The following PTGES3 variants were observed in gnomAD, a reference collection of about 807,000 sequenced individuals.
PTGES3 encodes Hsp90 co-chaperone.
PTGES3 carries 5 observed loss-of-function variants against 29.9 expected under a neutral mutation model. The ratio of observed to expected loss-of-function variants is 0.17; its 90% CI spans 0.09 to 0.35. The LOEUF is 0.35. PTGES3 is among the 10% of genes least tolerant of loss of function. The probability of loss-of-function intolerance (pLI) is 1.00; values close to 1 mark genes in which losing one functional copy is unlikely to be tolerated. For synonymous variants in PTGES3, 49 were observed against 57.8 expected (o/e 0.85, Z 0.69); for missense variants, 128 against 190.0 (o/e 0.67, Z 1.92).
chr12:56,664,065 T>A lies in PTGES3; in HGVS notation c.*414A>T, dbSNP rs1164767344. On this transcript the variant is annotated 3_prime_UTR_variant, in exon 8 of 8. Transcript: ENST00000262033. ...TACCAGTAAGGTGTCAGCCAATTTG[T>A]TCCAGTCACTTTTGAATCCATGTTC... 1 of 154,926 alleles carries A rather than the reference T, an allele frequency of 6.5e-6. No homozygotes were observed. The highest frequency in any genetic ancestry group is 1.4e-5 in the Non-Finnish European group (1 of 71,734). 9.6% of individuals were successfully genotyped at this position (154,926 alleles called of 1,614,324 possible). A position where few individuals can be genotyped will look rare whatever the true frequency, so the allele number is the denominator to read the frequency against.
At chr12:56,665,792 C>T (rs988408952) in intron 6 of PTGES3, 1 of 674,912 alleles carries the variant, frequency 1.5e-6, no homozygotes, top group Non-Finnish European at 1.8e-6. Flanking sequence ...AGGCACCTGC[C>T]ATCATGTCTG....
intron 1 of PTGES3, among the ~76,000 whole-genome samples, chr12:56,681,621 G>A (rs955005904): frequency 1.3e-5 from 2 of 151,148 alleles, no homozygotes; most frequent in Non-Finnish European, 2.9e-5. Context: ...GGCCAAGGCG[G>A]CAGATCTCCT....
intron 1 of PTGES3, among the ~76,000 whole-genome samples, chr12:56,685,067 G>A (rs1303524265): frequency 6.6e-6 from 1 of 151,828 alleles, no homozygotes; most frequent in Non-Finnish European, 1.5e-5. Flanking sequence ...GGTTGCAGCT[G>A]CACTCCAGCC....
intron 1 of PTGES3, among the ~76,000 whole-genome samples, chr12:56,686,308 G>A (rs1174143306): frequency 2.0e-5 from 3 of 152,222 alleles, no homozygotes; most frequent in East Asian, 1.9e-4. Context: ...TAAGACTGAT[G>A]TCCCTTCTAC....
At chr12:56,673,817 G>C (rs1044305309) in intron 1 of PTGES3, among the ~76,000 whole-genome samples, 1 of 145,488 alleles carries the variant, frequency 6.9e-6, no homozygotes, top group Non-Finnish European at 1.5e-5. Context: ...AAAAAAATTA[G>C]CTGGGCATGG....
chr12:56,666,039 C>T, intron 6 of PTGES3, 165 bp downstream of exon 6: 4 of 1,382,938 alleles, frequency 2.9e-6, no homozygotes, highest in Non-Finnish European at 3.8e-6. Flanking sequence ...TAATAGATAC[C>T]CCCATTCGTC....
chr12:56,683,045 C>T, intron 1 of PTGES3, among the ~76,000 whole-genome samples: 1 of 151,860 alleles, frequency 6.6e-6, no homozygotes, highest in Non-Finnish European at 1.5e-5. Flanking sequence ...GGGAAGCAGC[C>T]TCATTCTAGA....
At chr12:56,666,134 T>C in intron 6 of PTGES3, 70 bp downstream of exon 6, 8 of 1,494,232 alleles carry the variant, frequency 5.4e-6, no homozygotes, top group East Asian at 2.5e-5. Context: ...TATAAAACCA[T>C]TTGTAAATAT....
chr12:56,683,742 G>A (rs1028059606), intron 1 of PTGES3, among the ~76,000 whole-genome samples: 14 of 151,458 alleles, frequency 9.2e-5, no homozygotes, highest in African/African-American at 3.1e-4. Context: ...GGCGGATCAC[G>A]AGATCAGGAG....
chr12:56,672,376 C>A (rs575032563), intron 3 of PTGES3, among the ~76,000 whole-genome samples: 1 of 152,246 alleles, frequency 6.6e-6, no homozygotes, highest in South Asian at 2.1e-4. Flanking sequence ...TGCCTGTAAT[C>A]CCAGCTGCTC....
chr12:56,670,287 A>T lies in PTGES3; in HGVS notation c.363T>A (p.Asp121Glu). The T allele has an allele frequency of 6.2e-7, 1 of 1,611,812 alleles. No individual in the cohort carries two copies. Among genetic ancestry groups the T allele is most frequent in the Non-Finnish European group, 8.5e-7 (1 of 1,178,122 alleles). ...TAAAGGAACTTACCTCAGAGAAACG[A>T]TCAAAATTAGACATGTCTTCATCTG... is the stretch of plus-strand genomic sequence containing the variant. ...DDSDEDMSNF[D>E]RFSEMMNNMG... Residue 121 changes from aspartate (D) to glutamate (E), a missense_variant, in exon 5 of 8, where the codon GAT (aspartate) becomes GAA (glutamate). Physicochemically the swap from Asp to Glu is conservative, Grantham distance 45. Transcript: ENST00000262033.
intron 1 of PTGES3, among the ~76,000 whole-genome samples, chr12:56,675,004 CAAAA>C (rs1177350725): frequency 2.2e-4 from 7 of 32,358 alleles, no homozygotes; most frequent in South Asian, 2.3e-3. Context: ...AACTCGGTCT[CAAAA>C]AAAAAAAAAA....
rs904972139 is a variant in PTGES3 at position 56,687,547 on chromosome 12, G to C, written c.2+451C>G. 1.4e-5 allele frequency: 14 copies of C among 1,009,962 alleles called. No homozygotes were observed. In the East Asian group the frequency reaches 9.7e-4, roughly 70 times the overall value. 62.6% of individuals were successfully genotyped at this position (1,009,962 alleles called of 1,614,324 possible). A position where few individuals can be genotyped will look rare whatever the true frequency, so the allele number is the denominator to read the frequency against. On this transcript the variant is annotated intron_variant, in intron 1 of 7. Transcript: ENST00000262033. ...GGGGCTCTCCCAGGAGCTCCGCCAG[G>C]CACCTGGCGGCACCCACCACAGGTG...
intron 3 of PTGES3, among the ~76,000 whole-genome samples, chr12:56,672,158 TTAAC>T (rs1237456638): frequency 1.3e-5 from 2 of 152,142 alleles, no homozygotes; most frequent in African/African-American, 4.8e-5. Flanking sequence ...CTTAAAAACT[TTAAC>T]TAAAAATGAT....
At chr12:56,682,929 G>A (rs1280448644) in intron 1 of PTGES3, among the ~76,000 whole-genome samples, 1 of 152,100 alleles carries the variant, frequency 6.6e-6, no homozygotes, top group South Asian at 2.1e-4. Context: ...AGGAGGCAGA[G>A]GTTGCAGTGA....
At chr12:56,667,652 GA>G (rs1951839064) in intron 5 of PTGES3, among the ~76,000 whole-genome samples, 1 of 152,228 alleles carries the variant, frequency 6.6e-6, no homozygotes, top group Non-Finnish European at 1.5e-5. Context: ...CAAAAATAGA[GA>G]GTAGAATGGT....
intron 1 of PTGES3, among the ~76,000 whole-genome samples, chr12:56,682,508 A>C (rs1042653223): frequency 6.6e-6 from 1 of 152,084 alleles, no homozygotes; most frequent in Non-Finnish European, 1.5e-5. Flanking sequence ...GCAGACAGTG[A>C]TGACACCACT....
intron 1 of PTGES3, among the ~76,000 whole-genome samples, chr12:56,680,365 G>A (rs1952473542): frequency 6.6e-6 from 1 of 151,340 alleles, no homozygotes; most frequent in Admixed American, 6.6e-5. Flanking sequence ...GTGAGTCACT[G>A]CACCCAACCC....
chr12:56,676,024 T>G (rs1400090865), intron 1 of PTGES3, among the ~76,000 whole-genome samples: 3 of 151,770 alleles, frequency 2.0e-5, no homozygotes, highest in Admixed American at 2.0e-4. Context: ...GCTGGGAGTT[T>G]GAGACCAGTC....
Sources: allele counts gnomAD v4.1 joint callset (sites outside exome capture counted in the v4.1 genomes callset), GRCh38; gene constraint gnomAD v4.1.1; transcripts MANE v1.5; gene names NCBI Gene and HGNC (gene_info 2026-07-23, HGNC 2026-07-21).